Variants in KCNH4 observed in about 807,000 individuals in gnomAD.
KCNH4 encodes the protein potassium voltage-gated channel subfamily H member 4, also known as voltage-gated delayed rectifier potassium channel KCNH4.
In KCNH4, 33 loss-of-function variants were observed where a neutral mutation model predicts 90.7. That is an observed-to-expected ratio of 0.36 (90% confidence interval 0.28 to 0.49). KCNH4 has a LOEUF of 0.49. KCNH4 is among the 20% of genes least tolerant of loss of function. The probability of loss-of-function intolerance (pLI) is 0.98; values close to 1 mark genes in which losing one functional copy is unlikely to be tolerated. For synonymous variants in KCNH4, 551 were observed against 581.7 expected (o/e 0.95, Z 0.76); for missense variants, 1,044 against 1,387.1 (o/e 0.75, Z 3.93).
chr17:42,170,631 A>T (rs182132162), intron 7 of KCNH4, among the ~76,000 whole-genome samples: 1 of 152,346 alleles, frequency 6.6e-6, no homozygotes, highest in Non-Finnish European at 1.5e-5. Flanking sequence ...GGGGAAAGAG[A>T]CATGACATAA....
At chr17:42,172,498 C>T (rs1183460923) in intron 6 of KCNH4, among the ~76,000 whole-genome samples, 2 of 144,936 alleles carry the variant, frequency 1.4e-5, no homozygotes, top group African/African-American at 5.0e-5. Flanking sequence ...ATGTGCTTAG[C>T]CAGGCACTGT....
rs577392133 is a variant in KCNH4, at chr17:42,160,033, G to T, written c.*7C>A. 17 of 1,512,834 alleles carry T rather than the reference G, an allele frequency of 1.1e-5. No homozygotes were observed. Among genetic ancestry groups the T allele is most frequent in the Non-Finnish European group, 1.4e-5 (16 of 1,129,626 alleles). The allele number at this position is 1,512,834 out of a possible 1,614,324, so 93.7% of individuals were successfully genotyped here. ...CACCCCAGACAGGCCTGGGCCCTGG[G>T]CCAGGGTCAGTGGAACGTGTCTGAC... is the stretch of plus-strand genomic sequence containing the variant. On this transcript the variant is annotated 3_prime_UTR_variant, in exon 16 of 17. Transcript: ENST00000264661.
In KCNH4 at chr17:42,163,484, G is replaced by A. The variant is rs1291664229; in HGVS notation, c.2477+122C>T. On this transcript the variant is annotated intron_variant, in intron 13 of 16. Coordinates refer to ENST00000264661, the MANE Select transcript of KCNH4 (RefSeq NM_012285.3). This position sits in a 1 kb window ranked among gnomAD's most constrained non-coding sequence, Gnocchi z 5.4. ...GGGGTTGCAAGCTGTGGTTGGAAGG[G>A]TGCGGTGGGCACACGGGCAGAGACG... 1.3e-6 allele frequency: 1 copy of A among 750,928 alleles called. No homozygotes were observed. Among genetic ancestry groups the A allele is most frequent in the Non-Finnish European group, 2.2e-6 (1 of 450,522 alleles). 46.5% of individuals were successfully genotyped at this position (750,928 alleles called of 1,614,324 possible). A position where few individuals can be genotyped will look rare whatever the true frequency, so the allele number is the denominator to read the frequency against.
intron 5 of KCNH4, 103 bp downstream of exon 5, chr17:42,175,951 G>C: frequency 7.3e-7 from 1 of 1,366,532 alleles, no homozygotes; most frequent in Non-Finnish European, 1.0e-6. Context: ...GAAAGGAAGG[G>C]GCTCTGAATG....
At position 42,163,254 on chromosome 17, in the gene KCNH4, C is replaced by G; in HGVS notation, c.2558G>C (p.Arg853Thr). 1 of 1,613,994 alleles carries G rather than the reference C, an allele frequency of 6.2e-7. No individual in the cohort carries two copies. The highest frequency in any genetic ancestry group is 8.5e-7 in the Non-Finnish European group (1 of 1,179,926). ...TGTAGGGGGCGCCTGGGAGCGGGGC[C>G]TTGGCAGTTCAGGCCTCCTGCTGAA... ...FRFSRRPELP[R>T]PRSQAPPTGT... Residue 853 changes from arginine to threonine, a missense_variant, in exon 14 of 17, where the codon AGG (arginine) becomes ACG (threonine). This residue lies in a region of KCNH4 where 441 missense variants were observed against 512.3 expected (regional missense o/e 0.86). Coordinates refer to ENST00000264661, the MANE Select transcript of KCNH4 (RefSeq NM_012285.3). The surrounding 1 kb of genome is among the most constrained non-coding windows in gnomAD (Gnocchi z 5.4).
chr17:42,163,430 C>T lies in KCNH4; in HGVS notation c.2478-96G>A, dbSNP rs914400908. 76 of 928,476 alleles carry T rather than the reference C, an allele frequency of 8.2e-5. No homozygotes were observed. In the African/African-American group the frequency reaches 1.1e-3, roughly 14 times the overall value. The allele number at this position is 928,476 out of a possible 1,614,324, so 57.5% of individuals were successfully genotyped here. A position where few individuals can be genotyped will look rare whatever the true frequency, so the allele number is the denominator to read the frequency against. ...GACTGGGGGCAGCAGTGCCAGGGGG[C>T]GGAGCAAGAGCAGCAGTCAAAGTGG... On this transcript the variant is annotated intron_variant, in intron 13 of 16. Coordinates refer to ENST00000264661, the MANE Select transcript of KCNH4 (RefSeq NM_012285.3). This position sits in a 1 kb window ranked among gnomAD's most constrained non-coding sequence, Gnocchi z 5.4.
At position 42,164,136 on chromosome 17, in the gene KCNH4, G is replaced by A; in HGVS notation, c.2118C>T (p.Leu706=). Residue 706 remains leucine, a synonymous_variant, in exon 12 of 17, where the codon CTC becomes CTT. Coordinates refer to ENST00000264661, the MANE Select transcript of KCNH4 (RefSeq NM_012285.3). The part of the protein sequence containing the change: ...GLSRFSRSPR[L]SQPRSESLGS... ...CCCAGGAAGTGGGTGTTACCTGGGA[G>A]AGGCGAGGGGATCGGGAAAAGCGGC... 6.4e-7 allele frequency: 1 copy of A among 1,551,426 alleles called. No individual in the cohort carries two copies. Among genetic ancestry groups the A allele is most frequent in the Non-Finnish European group, 8.7e-7 (1 of 1,146,808 alleles).
intron 1 of KCNH4, among the ~76,000 whole-genome samples, chr17:42,179,886 G>A (rs1406735536): frequency 6.6e-6 from 1 of 152,236 alleles, no homozygotes; most frequent in African/African-American, 2.4e-5. Context: ...GGGAGGCCAG[G>A]GGGACTCCTG....
Position 42,180,796 on chromosome 17 carries a change from A to G in KCNH4, c.76+74T>C. On this transcript the variant is annotated intron_variant, in intron 1 of 16. Transcript: ENST00000264661. This position sits in a 1 kb window ranked among gnomAD's most constrained non-coding sequence, Gnocchi z 4.7. Reference sequence around the variant, plus strand: ...CCTCGCCTCGGGTCTCACCATGTCCAGGAGATCCGAGACGGCCCCGAGGAT... The same window carrying G: ...CCTCGCCTCGGGTCTCACCATGTCCGGGAGATCCGAGACGGCCCCGAGGAT... 2 of 1,445,128 alleles carry G rather than the reference A, an allele frequency of 1.4e-6. No individual in the cohort carries two copies. The highest frequency in any genetic ancestry group is 3.4e-5 in the Admixed American group (2 of 59,378). 89.5% of individuals were successfully genotyped at this position (1,445,128 alleles called of 1,614,324 possible).
Position 42,170,324 on chromosome 17 carries a change from G to A in KCNH4, c.1196-23C>T, listed in dbSNP as rs559108573. On this transcript the variant is annotated intron_variant, in intron 7 of 16. Coordinates refer to ENST00000264661, the MANE Select transcript of KCNH4 (RefSeq NM_012285.3). ...AGCCTGCAGGGTGGACGGATGCAGGGAGCCCTGGCTGTGCCAGCGGTGGAG... is the reference window on the plus strand; with the variant it reads ...AGCCTGCAGGGTGGACGGATGCAGGAAGCCCTGGCTGTGCCAGCGGTGGAG... The A allele has an allele frequency of 2.6e-6, 4 of 1,557,652 alleles. No individual in the cohort carries two copies. In the African/African-American group the frequency reaches 5.5e-5, roughly 21 times the overall value.
At chr17:42,175,530 G>A (rs1384925140) in intron 6 of KCNH4, 49 bp downstream of exon 6, 1 of 1,607,488 alleles carries the variant, frequency 6.2e-7, no homozygotes, top group Non-Finnish European at 8.5e-7. Context: ...GGAAGATGCT[G>A]TGCTGAAGTT....
In KCNH4 at chr17:42,175,661, A is replaced by T; in HGVS notation, c.905T>A (p.Leu302His). The T allele has an allele frequency of 6.2e-7, 1 of 1,614,128 alleles. No individual in the cohort carries two copies. The highest frequency in any genetic ancestry group is 8.5e-7 in the Non-Finnish European group (1 of 1,179,984). Residue 302 changes from leucine (L) to histidine (H), a missense_variant, in exon 6 of 17, where the codon CTC becomes CAC. By Grantham distance (99) the Leu-to-His change is moderately conservative. Transcript: ENST00000264661. ...QVISAPRSIG[L>H]HYLATWFFID... is the part of the protein sequence containing the mutation. ...GAAGAACCAGGTGGCCAGGTAGTGGAGGCCAATGGAACGAGGAGCAGAGAT... is the reference window on the plus strand; with the variant it reads ...GAAGAACCAGGTGGCCAGGTAGTGGTGGCCAATGGAACGAGGAGCAGAGAT...
rs747743660 is a variant in KCNH4, at chr17:42,169,606, G to A, written c.1461C>T (p.Leu487=). Residue 487 remains leucine, a synonymous_variant, in exon 9 of 17, where the codon CTC becomes CTT. Transcript: ENST00000264661. ...TGAGGTCCTTCATGCGGCTGTGGTA[G>A]AGCGAGCGGCGCGAGTACATGCGCT... ...IIQRMYSRRS[L]YHSRMKDLKD... 7.4e-5 allele frequency: 119 copies of A among 1,613,924 alleles called. No individual in the cohort carries two copies. The highest frequency in any genetic ancestry group is 9.5e-5 in the Non-Finnish European group (112 of 1,180,008).
chr17:42,158,938 C>G (rs1434275931), intron 16 of KCNH4, among the ~76,000 whole-genome samples: 1 of 152,034 alleles, frequency 6.6e-6, no homozygotes, highest in Admixed American at 6.6e-5. Context: ...CCCACCTCGG[C>G]CTCCCAAAGG....
At chr17:42,171,176 G>A (rs2079824679) in intron 7 of KCNH4, among the ~76,000 whole-genome samples, 1 of 152,168 alleles carries the variant, frequency 6.6e-6, no homozygotes, top group East Asian at 1.9e-4. Context: ...GATGAGAAGG[G>A]GATTGGGAAA....
rs113789875 is a variant in KCNH4, at chr17:42,177,935, G to A, written c.585+165C>T. On this transcript the variant is annotated intron_variant, in intron 4 of 16. Transcript: ENST00000264661. ...TAGAAGGATGTTGGGGGAGGATATA[G>A]GATGGAGCATATACCATATAGAGTA... Among the ~76,000 whole-genome samples the A allele has an allele frequency of 8.8e-3, 1,334 of 152,308 alleles. 21 individuals are homozygous for A. Among genetic ancestry groups the A allele is most frequent in the African/African-American group, 0.03 (1,256 of 41,548 alleles).
intron 11 of KCNH4, 136 bp from the exon 12 acceptor site, chr17:42,164,304 C>G: frequency 1.3e-6 from 1 of 759,430 alleles, no homozygotes. Context: ...AAACTATAAC[C>G]CTAACTCAAA....
intron 1 of KCNH4, 42 bp from the exon 2 acceptor site, chr17:42,179,068 C>T (rs774819927): frequency 1.5e-5 from 22 of 1,486,608 alleles, no homozygotes; most frequent in Admixed American, 8.6e-5. Context: ...GGCTGGGAGG[C>T]GAGCTAGCTT....
intron 11 of KCNH4, 66 bp from the exon 12 acceptor site, chr17:42,164,234 T>A (rs2079770737): frequency 7.2e-7 from 1 of 1,393,736 alleles, no homozygotes; most frequent in Non-Finnish European, 9.7e-7. Flanking sequence ...AGACCCTCCC[T>A]GTCCCACCCA....
Sources: gnomAD v4.1 joint callset for allele counts (sites outside exome capture counted in the v4.1 genomes callset) on GRCh38, gnomAD v4.1.1 for gene constraint, gnomAD v4.1.1 regional missense constraint, Gnocchi (gnomAD v3.1) non-coding constraint, MANE v1.5 for transcripts, NCBI Gene and HGNC (gene_info 2026-07-23, HGNC 2026-07-21) for gene names.